The following SORCS1 variants were observed in gnomAD, a reference collection of about 807,000 sequenced individuals.
SORCS1 encodes the protein VPS10 domain-containing receptor SorCS1.
In SORCS1, 60 loss-of-function variants were observed where a neutral mutation model predicts 146.1. The ratio of observed to expected loss-of-function variants is 0.41; its 90% confidence interval spans 0.33 to 0.51. The LOEUF is 0.51. Among genes scored for constraint, SORCS1 ranks in the 20% least tolerant of loss-of-function variants. The probability of loss-of-function intolerance (pLI) is 0.21; values close to 1 mark genes in which losing one functional copy is unlikely to be tolerated. For synonymous variants in SORCS1, 637 were observed against 584.0 expected (o/e 1.09, Z -1.31); for missense variants, 1,352 against 1,487.6 (o/e 0.91, Z 1.50).
chr10:106,892,377 A>G (rs990212316), intron 2 of SORCS1, among the ~76,000 whole-genome samples: 6 of 152,240 alleles, frequency 3.9e-5, no homozygotes, highest in African/African-American at 1.4e-4. Flanking sequence ...TAGTCTCTGG[A>G]CAATGCCTTC....
At chr10:106,768,583 T>C (rs967022081) in intron 4 of SORCS1, among the ~76,000 whole-genome samples, 2 of 152,230 alleles carry the variant, frequency 1.3e-5, no homozygotes, top group African/African-American at 2.4e-5. Flanking sequence ...ATTGTTATAA[T>C]CAATAATATT....
intron 14 of SORCS1, among the ~76,000 whole-genome samples, chr10:106,674,328 C>CT (rs1851853572): frequency 3.7e-5 from 1 of 27,374 alleles, no homozygotes. Context: ...GACTCCGTCT[C>CT]AAAAAAAAAA....
chr10:107,004,923 C>T (rs1957376869), intron 1 of SORCS1, among the ~76,000 whole-genome samples: 1 of 152,062 alleles, frequency 6.6e-6, no homozygotes, highest in African/African-American at 2.4e-5. Flanking sequence ...AAAGCAGTGA[C>T]CCTACAAAAC....
chr10:107,170,888 C>G, the SORCS1 span, among the ~76,000 whole-genome samples: 1 of 152,198 alleles, frequency 6.6e-6, no homozygotes, highest in Non-Finnish European at 1.5e-5. Flanking sequence ...AGAGGCAGTA[C>G]AGTGTGGGGC....
intron 1 of SORCS1, among the ~76,000 whole-genome samples, chr10:107,140,322 C>T (rs1967703797): frequency 6.6e-6 from 1 of 152,190 alleles, no homozygotes; most frequent in Admixed American, 6.5e-5. Flanking sequence ...TAGAAGTATG[C>T]TATGTTAAAA....
intron 1 of SORCS1, among the ~76,000 whole-genome samples, chr10:106,997,876 C>G (rs1171221484): frequency 6.6e-6 from 1 of 152,172 alleles, no homozygotes; most frequent in African/African-American, 2.4e-5. Flanking sequence ...CCAGTAACCG[C>G]CCTCTCAAAT....
intron 13 of SORCS1, among the ~76,000 whole-genome samples, chr10:106,675,723 A>G (rs905832890): frequency 8.5e-5 from 13 of 152,216 alleles, no homozygotes; most frequent in Admixed American, 6.5e-4. Context: ...TGTCCTCTCT[A>G]AAATTCAAAT....
intron 1 of SORCS1, among the ~76,000 whole-genome samples, chr10:107,161,692 A>C (rs1969719232): frequency 1.0e-5 from 1 of 96,824 alleles, no homozygotes; most frequent in African/African-American, 4.1e-5. Flanking sequence ...AAAACGGCCA[A>C]AAAAAAAAAG....
At chr10:106,999,382 T>C (rs1189920667) in intron 1 of SORCS1, among the ~76,000 whole-genome samples, 1 of 152,204 alleles carries the variant, frequency 6.6e-6, no homozygotes, top group Non-Finnish European at 1.5e-5. Flanking sequence ...ACTCTGACAG[T>C]TTTGCATCTG....
the SORCS1 span, among the ~76,000 whole-genome samples, chr10:107,180,098 T>G: frequency 6.6e-6 from 1 of 151,890 alleles, no homozygotes; most frequent in South Asian, 2.1e-4. Flanking sequence ...TTGTTTTTTA[T>G]AGAGATGAGG....
chr10:106,577,547 GCTACTCTC>G lies in SORCS1; in HGVS notation c.3372_3379del (p.Arg1124SerfsTer14). The stretch of plus-strand genomic sequence containing the variant: ...AGAAGGGGAGGGAGGGGAGGGTAAA[GCTACTCTC>G]CTAAGAGAAAACGTGTAACACTTAC... On this transcript the variant is annotated frameshift_variant and splice_region_variant, in exon 26 of 26. Coordinates refer to ENST00000263054, the MANE Select transcript of SORCS1 (RefSeq NM_052918.5). 2 of 1,610,596 alleles carry G rather than the reference GCTACTCTC, an allele frequency of 1.2e-6. No individual in the cohort carries two copies. Among genetic ancestry groups the G allele is most frequent in the Non-Finnish European group, 1.7e-6 (2 of 1,177,824 alleles).
intron 2 of SORCS1, among the ~76,000 whole-genome samples, chr10:106,832,383 T>G (rs1368886575): frequency 2.0e-5 from 3 of 152,060 alleles, no homozygotes; most frequent in Non-Finnish European, 4.4e-5. Context: ...GAAATGGGGT[T>G]TCACCATGTT....
chr10:106,884,774 T>C (rs1950932370), intron 2 of SORCS1, among the ~76,000 whole-genome samples: 1 of 152,212 alleles, frequency 6.6e-6, no homozygotes, highest in Admixed American at 6.5e-5. Context: ...AAGACTTGAA[T>C]GTTTATCCAA....
chr10:107,103,697 T>C (rs1347662617), intron 1 of SORCS1, among the ~76,000 whole-genome samples: 1 of 152,224 alleles, frequency 6.6e-6, no homozygotes, highest in Non-Finnish European at 1.5e-5. Flanking sequence ...CCTGGACTTT[T>C]GTTTGTATTA....
At chr10:107,133,747 C>G (rs1390421408) in intron 1 of SORCS1, among the ~76,000 whole-genome samples, 1 of 152,180 alleles carries the variant, frequency 6.6e-6, no homozygotes, top group Admixed American at 6.5e-5. Context: ...ACAACTGTTG[C>G]AGTTTTCTAA....
intron 1 of SORCS1, among the ~76,000 whole-genome samples, chr10:107,001,015 G>A (rs1156669569): frequency 1.3e-5 from 2 of 152,148 alleles, no homozygotes; most frequent in Non-Finnish European, 2.9e-5. Context: ...TGGGTTGAAG[G>A]ATAATAAAAA....
chr10:106,747,985 C>T (rs994431209), intron 5 of SORCS1, among the ~76,000 whole-genome samples: 5 of 152,150 alleles, frequency 3.3e-5, no homozygotes, highest in East Asian at 1.9e-4. Context: ...ACATTTTTCA[C>T]TCACTCAGAA....
chr10:106,951,105 C>T (rs919928353), intron 2 of SORCS1, among the ~76,000 whole-genome samples: 15 of 152,132 alleles, frequency 9.9e-5, no homozygotes, highest in Admixed American at 9.8e-4. Context: ...TGGGATCTGG[C>T]ATTTCCGGGC....
At position 107,047,341 on chromosome 10, in the gene SORCS1, A is replaced by G. The variant is rs564740205; in HGVS notation, c.559-90761T>C. Among the ~76,000 whole-genome samples the G allele has an allele frequency of 3.9e-5, 6 of 152,298 alleles. No individual in the cohort carries two copies. In the East Asian group the frequency reaches 1.2e-3, roughly 29 times the overall value. ...CCAGATGTCAGTAGAACAAGTCATTAAAAACAAAACTACCATAGTGGATGT... is the reference window on the plus strand; with the variant it reads ...CCAGATGTCAGTAGAACAAGTCATTGAAAACAAAACTACCATAGTGGATGT... On this transcript the variant is annotated intron_variant, in intron 1 of 25. Transcript: ENST00000263054.
Sources: gnomAD v4.1 joint callset for allele counts (sites outside exome capture counted in the v4.1 genomes callset) on GRCh38, gnomAD v4.1.1 for gene constraint, MANE v1.5 for transcripts, NCBI Gene and HGNC (gene_info 2026-07-23, HGNC 2026-07-21) for gene names.